Variants in ANKRD28 observed in about 807,000 individuals in gnomAD.
ANKRD28 encodes serine/threonine-protein phosphatase 6 regulatory ankyrin repeat subunit A.
In ANKRD28, 44 loss-of-function variants were observed where a neutral mutation model predicts 126.5. The observed-to-expected ratio is 0.35, with a 90% CI of 0.27 to 0.45. ANKRD28 has a LOEUF of 0.45. Ranked by LOEUF, ANKRD28 falls within the 20% of genes least tolerant of loss-of-function variation. The probability of loss-of-function intolerance (pLI) is 1.00; values close to 1 mark genes in which losing one functional copy is unlikely to be tolerated. For synonymous variants in ANKRD28, 442 were observed against 468.5 expected (o/e 0.94, Z 0.73); for missense variants, 1,110 against 1,316.6 (o/e 0.84, Z 2.43).
chr3:15,685,125 G>A lies in ANKRD28; in HGVS notation c.2389+101C>T, dbSNP rs902699399. 3.3e-5 allele frequency: 41 copies of A among 1,225,668 alleles called. 1 individual carries two copies. Among genetic ancestry groups the A allele is most frequent in the Admixed American group, 7.2e-5 (4 of 55,738 alleles). The allele number at this position is 1,225,668 out of a possible 1,614,324, so 75.9% of individuals were successfully genotyped here. A position where few individuals can be genotyped will look rare whatever the true frequency, so the allele number is the denominator to read the frequency against. On this transcript the variant is annotated intron_variant, in intron 21 of 27. Transcript: ENST00000683139. ...AGCCTATACAGTAGATTATTCCCAAGGTTTTTGCTAATTTTAAACTTAAAA... is the reference window on the plus strand; with the variant it reads ...AGCCTATACAGTAGATTATTCCCAAAGTTTTTGCTAATTTTAAACTTAAAA...
chr3:15,767,050 C>T (rs2058772637), intron 2 of ANKRD28, among the ~76,000 whole-genome samples: 1 of 152,136 alleles, frequency 6.6e-6, no homozygotes, highest in Non-Finnish European at 1.5e-5. Context: ...TAAGTTTTTT[C>T]TTAACATTCC....
chr3:15,806,301 T>C (rs972216449), intron 1 of ANKRD28, among the ~76,000 whole-genome samples: 2 of 152,218 alleles, frequency 1.3e-5, no homozygotes, highest in African/African-American at 4.8e-5. Context: ...CCTATAAGAA[T>C]TGATAATTAG....
chr3:15,765,690 A>G lies in ANKRD28; in HGVS notation c.280+544T>C, dbSNP rs145787042. 1.7e-3 allele frequency among the ~76,000 whole-genome samples: 263 copies of G among 152,168 alleles called. 2 individuals carry two copies. The highest frequency in any genetic ancestry group is 6.1e-3 in the African/African-American group (254 of 41,506). On this transcript the variant is annotated intron_variant, in intron 3 of 27. Transcript: ENST00000683139. ...CCCCGTCTCTACTAAAAATACAAAAATTAGCTGGGTATGGAGGCATGTGCC... is the reference window on the plus strand; with the variant it reads ...CCCCGTCTCTACTAAAAATACAAAAGTTAGCTGGGTATGGAGGCATGTGCC...
intron 1 of ANKRD28, among the ~76,000 whole-genome samples, chr3:15,856,904 C>T (rs1475508856): frequency 6.6e-6 from 1 of 152,178 alleles, no homozygotes; most frequent in Admixed American, 6.5e-5. Context: ...TAAAAAAGTA[C>T]ATTCTACTAC....
intron 27 of ANKRD28, among the ~76,000 whole-genome samples, chr3:15,674,996 G>A (rs1421581139): frequency 1.3e-5 from 2 of 152,044 alleles, no homozygotes; most frequent in Non-Finnish European, 2.9e-5. Flanking sequence ...GAGGCTGGAC[G>A]CTGTGGCTCA....
exon 1 of ANKRD28, chr3:15,859,581 C>G: frequency 2.0e-5 from 2 of 97,702 alleles, no homozygotes; most frequent in South Asian, 3.2e-4. Flanking sequence ...CCCCGGCCGC[C>G]CGCCGCCGCC....
At position 15,679,252 on chromosome 3, in the gene ANKRD28, G is replaced by A. The variant is rs571412134; in HGVS notation, c.2561+49C>T. ...CCCAGATTGTTAGGATTATAGGCAT[G>A]AGCCACTGTGCCTGGCTAAAACTAT... On this transcript the variant is annotated intron_variant, in intron 23 of 27. Transcript: ENST00000683139. 3.0e-5 allele frequency: 45 copies of A among 1,524,144 alleles called. No individual in the cohort carries two copies. The South Asian group carries it at 4.8e-4, about 16-fold the overall frequency. The allele number at this position is 1,524,144 out of a possible 1,614,324, so 94.4% of individuals were successfully genotyped here. A position where few individuals can be genotyped will look rare whatever the true frequency, so the allele number is the denominator to read the frequency against.
At chr3:15,698,474 T>C (rs914571139) in intron 14 of ANKRD28, among the ~76,000 whole-genome samples, 1 of 152,220 alleles carries the variant, frequency 6.6e-6, no homozygotes, top group Non-Finnish European at 1.5e-5. Flanking sequence ...ATGACATGAA[T>C]GTATATTTAG....
chr3:15,699,783 A>G (rs1404437740), intron 14 of ANKRD28, among the ~76,000 whole-genome samples: 1 of 152,170 alleles, frequency 6.6e-6, no homozygotes, highest in Non-Finnish European at 1.5e-5. Flanking sequence ...TTACACTGTC[A>G]GTGGGAGTGT....
At chr3:15,842,601 A>C (rs1166639438) in intron 1 of ANKRD28, among the ~76,000 whole-genome samples, 1 of 152,238 alleles carries the variant, frequency 6.6e-6, no homozygotes, top group Non-Finnish European at 1.5e-5. Flanking sequence ...TGTCTATAAC[A>C]CAAAGCACAA....
intron 1 of ANKRD28, among the ~76,000 whole-genome samples, chr3:15,808,576 C>T (rs1374344306): frequency 1.3e-5 from 2 of 152,186 alleles, no homozygotes; most frequent in African/African-American, 2.4e-5. Context: ...CAAGACTTTG[C>T]AGTCTAATGG....
rs2075311712 is a variant in ANKRD28, at chr3:15,739,801, C to T, written c.352-2568G>A. 2.0e-5 allele frequency among the ~76,000 whole-genome samples: 3 copies of T among 152,144 alleles called. No individual in the cohort carries two copies. The South Asian group carries it at 6.2e-4, about 31-fold the overall frequency. On this transcript the variant is annotated intron_variant, in intron 4 of 27. Transcript: ENST00000683139. ...ACAGTTTGAAACATGGGAAATAGCACCAGTACTTAACAGGGATGGCAAAAG... is the reference window on the plus strand; with the variant it reads ...ACAGTTTGAAACATGGGAAATAGCATCAGTACTTAACAGGGATGGCAAAAG...
intron 4 of ANKRD28, among the ~76,000 whole-genome samples, chr3:15,740,289 C>G (rs1461207000): frequency 2.0e-5 from 3 of 152,084 alleles, no homozygotes; most frequent in African/African-American, 7.2e-5. Flanking sequence ...TATATCTTGA[C>G]TGGGATAAAG....
upstream of ANKRD28, chr3:15,798,251 T>TTGGCTGGGCGCGGTGGC: frequency 1.3e-6 from 1 of 798,450 alleles, no homozygotes. Flanking sequence ...AAGCAAATGT[T>TTGGCTGGGCGCGGTGGC]TAACCCTATA....
In ANKRD28 at chr3:15,817,944, T is replaced by G. The variant is rs1353763226; in HGVS notation, c.28-22638A>C. ...TAGCAAAGTCATAGATTACCATTGC[T>G]GTTTCTACATACTACCAATGAACAA... On this transcript the variant is annotated intron_variant, in intron 1 of 27. Transcript: ENST00000399451. This position sits in a 1 kb window ranked among gnomAD's most constrained non-coding sequence, Gnocchi z 4.5. Among the ~76,000 whole-genome samples, 1 of 152,212 alleles carries G rather than the reference T, an allele frequency of 6.6e-6. No individual in the cohort carries two copies. Among genetic ancestry groups the G allele is most frequent in the African/African-American group, 2.4e-5 (1 of 41,448 alleles).
intron 2 of ANKRD28, chr3:15,781,551 T>A (rs766916199): frequency 3.9e-5 from 6 of 152,056 alleles, no homozygotes; most frequent in Non-Finnish European, 2.9e-5. Flanking sequence ...ATATTAATAA[T>A]AAAAAGTAGA....
chr3:15,749,686 T>C (rs2057741165), intron 4 of ANKRD28, among the ~76,000 whole-genome samples: 2 of 152,332 alleles, frequency 1.3e-5, no homozygotes, highest in South Asian at 4.1e-4. Flanking sequence ...TCCCACTGGG[T>C]GTTCCCTTGA....
At chr3:15,762,200 A>AC (rs2058501391) in intron 3 of ANKRD28, among the ~76,000 whole-genome samples, 9 of 31,812 alleles carry the variant, frequency 2.8e-4, no homozygotes, top group East Asian at 1.6e-3. Context: ...AAAAAAAAAA[A>AC]AAAAAAAAAA....
intron 1 of ANKRD28, among the ~76,000 whole-genome samples, chr3:15,850,224 T>TATATATATATATATAGAG (rs1418223588): frequency 1.2e-3 from 42 of 35,096 alleles, no homozygotes; most frequent in Non-Finnish European, 1.9e-3. Flanking sequence ...TATATATATA[T>TATATATATATATATAGAG]AGAGAGAGAG....
Sources: gnomAD v4.1 joint callset for allele counts (sites outside exome capture counted in the v4.1 genomes callset) on GRCh38, gnomAD v4.1.1 for gene constraint, Gnocchi (gnomAD v3.1) non-coding constraint, MANE v1.5 for transcripts, NCBI Gene and HGNC (gene_info 2026-07-23, HGNC 2026-07-21) for gene names.